Variants in CCDC171 observed in about 807,000 individuals in gnomAD.
CCDC171 encodes the protein coiled-coil domain-containing protein 171.
Under a neutral mutation model 168.2 loss-of-function variants are expected in CCDC171, and 177 were observed. That is an observed-to-expected ratio of 1.05 (90% CI 0.93 to 1.19). CCDC171 has a LOEUF of 1.19. Among genes scored for constraint, CCDC171 ranks in the 50% most tolerant of loss-of-function variants. CCDC171 has a pLI of 0.00. For synonymous variants in CCDC171, 687 were observed against 540.8 expected (o/e 1.27, Z -3.75); for missense variants, 1,991 against 1,539.0 (o/e 1.29, Z -4.91).
At chr9:15,677,274 A>G (rs1011340217) in intron 9 of CCDC171, among the ~76,000 whole-genome samples, 1 of 152,188 alleles carries the variant, frequency 6.6e-6, no homozygotes, top group Admixed American at 6.6e-5. Flanking sequence ...ACATAAATGT[A>G]GCATCCAATC....
At chr9:15,682,399 G>A (rs186973225) in intron 10 of CCDC171, among the ~76,000 whole-genome samples, 1 of 152,036 alleles carries the variant, frequency 6.6e-6, no homozygotes, top group Non-Finnish European at 1.5e-5. Flanking sequence ...TCTAAACTGA[G>A]TATGTTGTCT....
chr9:15,727,014 C>T lies in CCDC171; in HGVS notation c.1693-855C>T, dbSNP rs191213310. Among the ~76,000 whole-genome samples, 36 of 152,226 alleles carry T rather than the reference C, an allele frequency of 2.4e-4. No individual in the cohort carries two copies. In the South Asian group the frequency reaches 3.1e-3, roughly 13 times the overall value. Reference sequence around the variant, plus strand: ...AAATGTGATCTGCTTTATATGAATTCTGCAGCATAGTAAGTGTTTCTAAGT... The same window carrying T: ...AAATGTGATCTGCTTTATATGAATTTTGCAGCATAGTAAGTGTTTCTAAGT... On this transcript the variant is annotated intron_variant, in intron 14 of 25. Coordinates refer to ENST00000380701, the MANE Select transcript of CCDC171 (RefSeq NM_173550.4).
At chr9:15,963,880 A>T (rs1328284792) in intron 25 of CCDC171, among the ~76,000 whole-genome samples, 5 of 152,158 alleles carry the variant, frequency 3.3e-5, no homozygotes, top group Non-Finnish European at 5.9e-5. Flanking sequence ...ACCCTCTCTA[A>T]GCTAAATTAG....
At chr9:16,068,768 T>C in the CCDC171 span, among the ~76,000 whole-genome samples, 392 of 152,040 alleles carry the variant, frequency 2.6e-3, 1 homozygote, top group Middle Eastern at 6.8e-3. Flanking sequence ...CGATGTATTC[T>C]GCCAGGATAC....
downstream of CCDC171, among the ~76,000 whole-genome samples, chr9:16,065,033 A>C (rs767347117): frequency 2.6e-5 from 4 of 152,138 alleles, no homozygotes; most frequent in Non-Finnish European, 5.9e-5. Flanking sequence ...ATTTGGTGTT[A>C]ATTCAATTTG....
chr9:15,667,471 C>T (rs745508407), intron 9 of CCDC171, among the ~76,000 whole-genome samples: 2 of 151,976 alleles, frequency 1.3e-5, no homozygotes, highest in Non-Finnish European at 2.9e-5. Flanking sequence ...CATGGTGAAA[C>T]CCTGTCTCTA....
At chr9:15,802,708 C>T (rs1052315510) in intron 21 of CCDC171, among the ~76,000 whole-genome samples, 2 of 152,146 alleles carry the variant, frequency 1.3e-5, no homozygotes, top group Admixed American at 6.5e-5. Context: ...AATAGTGCTG[C>T]AATGAACATA....
At chr9:15,574,700 A>G (rs2040498351) in intron 3 of CCDC171, among the ~76,000 whole-genome samples, 1 of 152,226 alleles carries the variant, frequency 6.6e-6, no homozygotes, top group African/African-American at 2.4e-5. Context: ...AGTGATTTAA[A>G]AACTAAGGCC....
At chr9:15,884,481 G>T (rs938369445) in intron 24 of CCDC171, among the ~76,000 whole-genome samples, 2 of 152,278 alleles carry the variant, frequency 1.3e-5, no homozygotes, top group South Asian at 4.2e-4. Context: ...CCATAAGTCT[G>T]TGCAATTTAC....
At chr9:16,049,574 T>C (rs1422785787) in intron 1 of CCDC171, among the ~76,000 whole-genome samples, 1 of 152,164 alleles carries the variant, frequency 6.6e-6, no homozygotes, top group African/African-American at 2.4e-5. Context: ...GTAGCCGGTC[T>C]TTGGGCTCCA....
intron 7 of CCDC171, among the ~76,000 whole-genome samples, chr9:15,641,269 C>G (rs932016863): frequency 6.6e-6 from 1 of 152,180 alleles, no homozygotes; most frequent in Non-Finnish European, 1.5e-5. Context: ...AAATCATTAA[C>G]TAGTATGTAC....
intron 24 of CCDC171, among the ~76,000 whole-genome samples, chr9:15,908,507 G>A (rs548121077): frequency 2.7e-4 from 41 of 151,688 alleles, no homozygotes; most frequent in Middle Eastern, 3.4e-3. Context: ...GCCTGTTGTC[G>A]GGTGGGGGGA....
At chr9:16,012,098 A>T (rs1832884292) in intron 3 of CCDC171, among the ~76,000 whole-genome samples, 1 of 152,182 alleles carries the variant, frequency 6.6e-6, no homozygotes, top group Non-Finnish European at 1.5e-5. Context: ...GGTTAGGGTG[A>T]ACATAGGAGA....
chr9:15,567,368 T>C (rs2039833421), intron 2 of CCDC171, among the ~76,000 whole-genome samples: 1 of 152,204 alleles, frequency 6.6e-6, no homozygotes, highest in Non-Finnish European at 1.5e-5. Context: ...AGTTTTGAAA[T>C]TAGGAATCAA....
At chr9:15,665,176 G>A (rs1286677438) in intron 8 of CCDC171, among the ~76,000 whole-genome samples, 2 of 151,840 alleles carry the variant, frequency 1.3e-5, no homozygotes, top group African/African-American at 4.8e-5. Flanking sequence ...AATCAGGCTG[G>A]AGTGCAGTGG....
At chr9:15,697,132 G>A (rs1431560901) in intron 11 of CCDC171, among the ~76,000 whole-genome samples, 8 of 152,318 alleles carry the variant, frequency 5.3e-5, no homozygotes, top group Admixed American at 5.2e-4. Flanking sequence ...AGGAGATTAA[G>A]GGAATGACAG....
chr9:15,674,786 G>C (rs540204697), intron 9 of CCDC171, among the ~76,000 whole-genome samples: 331 of 152,168 alleles, frequency 2.2e-3, no homozygotes, highest in South Asian at 0.015. Flanking sequence ...CCAATTATGT[G>C]GTCAATTTTA....
At chr9:15,691,544 T>A (rs12006142) in intron 10 of CCDC171, among the ~76,000 whole-genome samples, 52,614 of 87,126 alleles carry the variant, frequency 0.6, 12,844 homozygotes, top group East Asian at 0.82. Context: ...AATATATGTT[T>A]TTTATATATA....
chr9:15,745,501 T>C lies in CCDC171; in HGVS notation c.2555-14T>C. ...TTTTGTAGAATTTTACAATGGATTT[T>C]TTCAATTTTATAGAACATCAAAAGG... is the stretch of plus-strand genomic sequence containing the variant. On this transcript the variant is annotated splice_polypyrimidine_tract_variant and intron_variant, in intron 17 of 25. Coordinates refer to ENST00000380701, the MANE Select transcript of CCDC171 (RefSeq NM_173550.4). 5 of 1,494,452 alleles carry C rather than the reference T, an allele frequency of 3.3e-6. No individual in the cohort carries two copies. Among genetic ancestry groups the C allele is most frequent in the Non-Finnish European group, 4.5e-6 (5 of 1,111,198 alleles). The allele number at this position is 1,494,452 out of a possible 1,614,324, so 92.6% of individuals were successfully genotyped here.
Sources: allele counts gnomAD v4.1 joint callset (sites outside exome capture counted in the v4.1 genomes callset), GRCh38; gene constraint gnomAD v4.1.1; transcripts MANE v1.5; gene names NCBI Gene and HGNC (gene_info 2026-07-23, HGNC 2026-07-21).